RAPGEF2: variants seen among roughly 807,000 people sequenced by gnomAD.
The protein encoded by RAPGEF2 is PDZ domain containing guanine nucleotide exchange factor (GEF) 1.
In RAPGEF2, 54 loss-of-function variants were observed where a neutral mutation model predicts 186.7. The ratio of observed to expected loss-of-function variants is 0.29; its 90% CI spans 0.23 to 0.36. The LOEUF (loss-of-function observed/expected upper bound fraction) is 0.36, where lower values mean the gene tolerates loss of function less well. Ranked by LOEUF, RAPGEF2 falls within the 10% of genes least tolerant of loss-of-function variation. The pLI, the probability that RAPGEF2 is intolerant of heterozygous loss-of-function variation, is 1.00. For synonymous variants in RAPGEF2, 712 were observed against 705.9 expected (o/e 1.01, Z -0.14); for missense variants, 1,532 against 2,045.0 (o/e 0.75, Z 4.84).
At chr4:159,123,636 A>G (rs1278191479) in intron 1 of RAPGEF2, among the ~76,000 whole-genome samples, 1 of 144,754 alleles carries the variant, frequency 6.9e-6, no homozygotes, top group East Asian at 2.0e-4. Flanking sequence ...CTCCTACCTC[A>G]GCCTCCCGAG....
At chr4:159,267,394 T>A in intron 7 of RAPGEF2, 1 of 1,138,284 alleles carries the variant, frequency 8.8e-7, no homozygotes, top group Non-Finnish European at 1.2e-6. Flanking sequence ...GCTGTGTTTC[T>A]GTTAGTGGCT....
chr4:159,230,197 A>G (rs191652942), intron 4 of RAPGEF2, among the ~76,000 whole-genome samples: 3 of 152,268 alleles, frequency 2.0e-5, no homozygotes, highest in East Asian at 3.9e-4. Flanking sequence ...ACCTTTTCCT[A>G]CTTTATGGCC....
intron 2 of RAPGEF2, among the ~76,000 whole-genome samples, chr4:159,186,923 T>C (rs1304864855): frequency 1.3e-5 from 2 of 152,214 alleles, no homozygotes; most frequent in East Asian, 3.8e-4. Flanking sequence ...GTTTATCATT[T>C]CTTTGTGTTA....
At chr4:159,323,906 C>CT (rs533696130) in intron 11 of RAPGEF2, among the ~76,000 whole-genome samples, 149 of 130,456 alleles carry the variant, frequency 1.1e-3, no homozygotes, top group South Asian at 4.8e-3. Flanking sequence ...TTTTGGAGGG[C>CT]TTTTTTTTTT....
intron 4 of RAPGEF2, among the ~76,000 whole-genome samples, chr4:159,220,836 G>C (rs1416243713): frequency 2.0e-5 from 3 of 152,140 alleles, no homozygotes; most frequent in Non-Finnish European, 2.9e-5. Context: ...ATTCTGTTGG[G>C]TCAGAATTAT....
In RAPGEF2 at chr4:159,359,865, A is replaced by T. The variant is rs914280645; in HGVS notation, c.*1726A>T. The T allele has an allele frequency of 3.9e-5, 6 of 152,354 alleles. 1 individual carries two copies. The highest frequency in any genetic ancestry group is 2.9e-5 in the Non-Finnish European group (2 of 68,036). The allele number at this position is 152,354 out of a possible 1,614,324, so 9.4% of individuals were successfully genotyped here. A position where few individuals can be genotyped will look rare whatever the true frequency, so the allele number is the denominator to read the frequency against. On this transcript the variant is annotated 3_prime_UTR_variant, in exon 30 of 30. Coordinates refer to ENST00000691494, the MANE Select transcript of RAPGEF2 (RefSeq NM_001394067.2). ...CTCTACCACAAGTTGCACAAATGTT[A>T]TCTAAGCATTAAGTAATTGTAGAAC...
Position 159,331,770 on chromosome 4 carries a change from C to G in RAPGEF2, c.1716C>G (p.Ile572Met). 2.5e-6 allele frequency: 4 copies of G among 1,613,994 alleles called. No individual in the cohort carries two copies. Among genetic ancestry groups the G allele is most frequent in the Non-Finnish European group, 3.4e-6 (4 of 1,179,978 alleles). ...GAGGCTCTGAGAAGGGATTTGGAAT[C>G]TTTGTTGACAGTGTAGATTCAGGTA... ...LLGGSEKGFG[I>M]FVDSVDSGSK... Residue 572 changes from isoleucine (I) to methionine (M), a missense_variant, in exon 15 of 30, where the codon ATC (isoleucine) becomes ATG (methionine). Physicochemically the swap from Ile to Met is conservative, Grantham distance 10 (BLOSUM62 1). Transcript: ENST00000691494.
At chr4:159,198,191 A>C in intron 3 of RAPGEF2, among the ~76,000 whole-genome samples, 1 of 145,164 alleles carries the variant, frequency 6.9e-6, no homozygotes, top group African/African-American at 2.5e-5. Context: ...CCCCACCCCT[A>C]CCCCAGGAAG....
chr4:159,314,463 T>C lies in RAPGEF2; in HGVS notation c.676-128T>C, dbSNP rs550000394. 4.8e-6 allele frequency: 4 copies of C among 832,606 alleles called. No individual in the cohort carries two copies. The East Asian group carries it at 1.2e-4, about 24-fold the overall frequency. 51.6% of individuals were successfully genotyped at this position (832,606 alleles called of 1,614,324 possible). On this transcript the variant is annotated intron_variant, in intron 8 of 29. Coordinates refer to ENST00000691494, the MANE Select transcript of RAPGEF2 (RefSeq NM_001394067.2). ...ATTGTTACATGTAGTTTCTGGTGCA[T>C]ACATAGTTGTTGGATGGAAAAATAA... is the stretch of plus-strand genomic sequence containing the variant.
At chr4:159,110,072 A>G (rs1197071102) in intron 1 of RAPGEF2, among the ~76,000 whole-genome samples, 1 of 152,210 alleles carries the variant, frequency 6.6e-6, no homozygotes, top group African/African-American at 2.4e-5. Context: ...TGCACGTTTT[A>G]TATCTCATTA....
chr4:159,302,721 A>G (rs1244550097), intron 7 of RAPGEF2, among the ~76,000 whole-genome samples: 1 of 152,118 alleles, frequency 6.6e-6, no homozygotes, highest in Non-Finnish European at 1.5e-5. Flanking sequence ...GTATTTGCCT[A>G]TCCCTTACAG....
chr4:159,322,622 C>T, intron 10 of RAPGEF2, 139 bp downstream of exon 10: 1 of 662,860 alleles, frequency 1.5e-6, no homozygotes, highest in Non-Finnish European at 2.6e-6. Context: ...AATTATGGTA[C>T]ACCTGTTATG....
intron 11 of RAPGEF2, chr4:159,329,144 C>A (rs1335481940): frequency 1.3e-5 from 2 of 152,018 alleles, no homozygotes; most frequent in Non-Finnish European, 2.9e-5. Context: ...TCATTCTTAA[C>A]TTTCTTTAAA....
At chr4:159,284,479 GAGACACACACAC>G (rs1760164662) in intron 7 of RAPGEF2, among the ~76,000 whole-genome samples, 1 of 114,536 alleles carries the variant, frequency 8.7e-6, no homozygotes, top group Non-Finnish European at 1.7e-5. Context: ...CACCGCCATG[GAGACACACACAC>G]ACACACACAC....
At position 159,359,396 on chromosome 4, in the gene RAPGEF2, G is replaced by C. The variant is rs926794404; in HGVS notation, c.*1257G>C. 1.3e-5 allele frequency: 2 copies of C among 152,176 alleles called. No individual in the cohort carries two copies. Among genetic ancestry groups the C allele is most frequent in the African/African-American group, 4.8e-5 (2 of 41,442 alleles). The allele number at this position is 152,176 out of a possible 1,614,324, so 9.4% of individuals were successfully genotyped here. ...CTAACCTCCAAGTGGCTTTATGGAC[G>C]CTGCATATAGAGAAGGCCTAAGTGT... On this transcript the variant is annotated 3_prime_UTR_variant, in exon 30 of 30. Transcript: ENST00000691494.
intron 4 of RAPGEF2, chr4:159,228,143 G>A (rs1579522457): frequency 6.6e-6 from 1 of 152,396 alleles, no homozygotes; most frequent in East Asian, 1.9e-4. Context: ...GAAACACATA[G>A]CTGCAGCCAG....
chr4:159,172,177 C>A (rs1472639801), intron 1 of RAPGEF2, among the ~76,000 whole-genome samples: 1 of 152,168 alleles, frequency 6.6e-6, no homozygotes, highest in African/African-American at 2.4e-5. Flanking sequence ...CATTTGGAAC[C>A]TTTTCACTAG....
chr4:159,115,510 T>G (rs188557151), intron 1 of RAPGEF2, among the ~76,000 whole-genome samples: 5 of 152,132 alleles, frequency 3.3e-5, no homozygotes, highest in Admixed American at 3.3e-4. Flanking sequence ...TTCCATGTAT[T>G]CATATAGAAA....
chr4:159,269,942 C>T (rs529916338), intron 7 of RAPGEF2, among the ~76,000 whole-genome samples: 15 of 152,284 alleles, frequency 9.9e-5, no homozygotes, highest in African/African-American at 3.1e-4. Context: ...AGATATTACC[C>T]AATAGTGCCT....
Sources: gnomAD v4.1 joint callset for allele counts (sites outside exome capture counted in the v4.1 genomes callset) on GRCh38, gnomAD v4.1.1 for gene constraint, MANE v1.5 for transcripts, NCBI Gene and HGNC (gene_info 2026-07-23, HGNC 2026-07-21) for gene names.